ENOX1: variants seen among roughly 807,000 people sequenced by gnomAD.
ENOX1 encodes candidate growth-related and time keeping constitutive hydroquinone (NADH) oxidase.
ENOX1 carries 42 observed loss-of-function variants against 82.5 expected under a neutral mutation model. That is an observed-to-expected ratio of 0.51 (90% CI 0.40 to 0.66). ENOX1 has a LOEUF of 0.66. ENOX1 is among the 30% of genes least tolerant of loss of function. The pLI is 0.00. For synonymous variants in ENOX1, 271 were observed against 282.2 expected (o/e 0.96, Z 0.40); for missense variants, 608 against 811.6 (o/e 0.75, Z 3.05).
rs76663192 is a variant in ENOX1 at position 43,230,889 on chromosome 13, C to T, written c.1714+5747G>A. The stretch of plus-strand genomic sequence containing the variant: ...CATTCAGTTTGGTCAGCACATTATT[C>T]TCTTTGAGTGGAATGAGAAATGGAA... On this transcript the variant is annotated intron_variant, in intron 15 of 16. Coordinates refer to ENST00000690772, the MANE Select transcript of ENOX1 (RefSeq NM_001347969.2). Among the ~76,000 whole-genome samples the T allele has an allele frequency of 2.6e-3, 403 of 152,322 alleles. 3 individuals carry two copies. The highest frequency in any genetic ancestry group is 9.4e-3 in the African/African-American group (392 of 41,564).
chr13:43,237,580 G>A (rs2042609890), intron 14 of ENOX1, among the ~76,000 whole-genome samples: 1 of 152,210 alleles, frequency 6.6e-6, no homozygotes, highest in Non-Finnish European at 1.5e-5. Context: ...AGCAGTGGTG[G>A]GGAACCTGCA....
chr13:43,706,809 A>G (rs968783255), intron 1 of ENOX1, among the ~76,000 whole-genome samples: 1 of 152,092 alleles, frequency 6.6e-6, no homozygotes, highest in Non-Finnish European at 1.5e-5. Context: ...TGAAATATTG[A>G]ATGCTTTTCT....
chr13:43,686,218 G>C (rs76280170), intron 1 of ENOX1, among the ~76,000 whole-genome samples: 1 of 152,062 alleles, frequency 6.6e-6, no homozygotes, highest in Non-Finnish European at 1.5e-5. Flanking sequence ...GAGGTAGACT[G>C]GTAGTATTAA....
At chr13:43,286,714 T>G (rs774396421) in intron 12 of ENOX1, among the ~76,000 whole-genome samples, 2 of 152,200 alleles carry the variant, frequency 1.3e-5, no homozygotes, top group South Asian at 2.1e-4. Context: ...TAGTTAAATT[T>G]TATTAGGGCT....
chr13:43,441,790 A>G (rs946866931), intron 3 of ENOX1, among the ~76,000 whole-genome samples: 10 of 146,822 alleles, frequency 6.8e-5, no homozygotes, highest in African/African-American at 2.0e-4. Context: ...TCTCACAATG[A>G]AGTGGAGGTT....
intron 14 of ENOX1, among the ~76,000 whole-genome samples, chr13:43,237,648 A>C (rs2042614143): frequency 6.6e-6 from 1 of 152,230 alleles, no homozygotes; most frequent in Non-Finnish European, 1.5e-5. Context: ...GAAGGTTTGA[A>C]CAAATGTGTT....
At chr13:43,767,874 CCACT>C (rs1400240428) in intron 1 of ENOX1, among the ~76,000 whole-genome samples, 1 of 152,198 alleles carries the variant, frequency 6.6e-6, no homozygotes, top group African/African-American at 2.4e-5. Context: ...CTCACTAGGA[CCACT>C]CAATCTGTCA....
chr13:43,756,436 G>A (rs1022342052), intron 1 of ENOX1, among the ~76,000 whole-genome samples: 14 of 138,978 alleles, frequency 1.0e-4, no homozygotes, highest in Non-Finnish European at 2.2e-4. Flanking sequence ...CTGTCACAAG[G>A]AGAGAAGAGG....
At chr13:43,684,113 A>AAAAAAAAAAAAAAG (rs2085943692) in intron 1 of ENOX1, among the ~76,000 whole-genome samples, 3 of 151,212 alleles carry the variant, frequency 2.0e-5, no homozygotes, top group Non-Finnish European at 3.0e-5. Context: ...AAAAAAAAAA[A>AAAAAAAAAAAAAAG]TGTAACCTAC....
chr13:43,352,409 T>C (rs1732115681), intron 8 of ENOX1, among the ~76,000 whole-genome samples: 1 of 152,246 alleles, frequency 6.6e-6, no homozygotes, highest in Non-Finnish European at 1.5e-5. Context: ...CCTTCCTCAC[T>C]GTCTAATCAA....
At chr13:43,723,276 G>A (rs1471089016) in intron 1 of ENOX1, among the ~76,000 whole-genome samples, 1 of 152,136 alleles carries the variant, frequency 6.6e-6, no homozygotes, top group Non-Finnish European at 1.5e-5. Flanking sequence ...AGTATAGCAG[G>A]TGTGAAATTA....
intron 2 of ENOX1, among the ~76,000 whole-genome samples, chr13:43,561,083 C>A (rs758092572): frequency 6.6e-6 from 1 of 152,082 alleles, no homozygotes; most frequent in Non-Finnish European, 1.5e-5. Flanking sequence ...AAAAGGCAGA[C>A]CTAGCAAATT....
At chr13:43,641,597 G>A (rs1477477666) in intron 2 of ENOX1, among the ~76,000 whole-genome samples, 3 of 132,322 alleles carry the variant, frequency 2.3e-5, no homozygotes, top group Admixed American at 8.7e-5. Flanking sequence ...GTGCAGTGGC[G>A]CCATCTTGGC....
chr13:43,234,798 G>T (rs924850991), intron 15 of ENOX1, among the ~76,000 whole-genome samples: 2 of 151,972 alleles, frequency 1.3e-5, no homozygotes, highest in Non-Finnish European at 2.9e-5. Context: ...ATTTGAAGTA[G>T]CCAACTGAAA....
chr13:43,584,878 G>A (rs1265953738), intron 2 of ENOX1, among the ~76,000 whole-genome samples: 1 of 152,114 alleles, frequency 6.6e-6, no homozygotes, highest in African/African-American at 2.4e-5. Context: ...TCCATCCGCA[G>A]GCAAGAAGGA....
At chr13:43,599,155 C>T (rs1370787983) in intron 2 of ENOX1, among the ~76,000 whole-genome samples, 2 of 152,074 alleles carry the variant, frequency 1.3e-5, no homozygotes, top group Non-Finnish European at 2.9e-5. Flanking sequence ...ATGCTTCCTT[C>T]AGGAACACAA....
At chr13:43,767,299 T>C (rs117051070) in intron 1 of ENOX1, among the ~76,000 whole-genome samples, 4 of 152,252 alleles carry the variant, frequency 2.6e-5, no homozygotes, top group East Asian at 1.9e-4. Context: ...GATGTCCCCA[T>C]TGGGCACTGA....
intron 2 of ENOX1, among the ~76,000 whole-genome samples, chr13:43,595,862 G>A (rs551034614): frequency 4.6e-5 from 7 of 152,080 alleles, no homozygotes; most frequent in Non-Finnish European, 1.0e-4. Flanking sequence ...GCCTGAATTG[G>A]TACCCAAGTC....
At chr13:43,244,814 C>T (rs1258917692) in intron 14 of ENOX1, among the ~76,000 whole-genome samples, 1 of 152,182 alleles carries the variant, frequency 6.6e-6, no homozygotes, top group East Asian at 1.9e-4. Context: ...CGTTTTCCTT[C>T]CCTGCCTGCT....
Sources: gnomAD v4.1 joint callset for allele counts (sites outside exome capture counted in the v4.1 genomes callset) on GRCh38, gnomAD v4.1.1 for gene constraint, MANE v1.5 for transcripts, NCBI Gene and HGNC (gene_info 2026-07-23, HGNC 2026-07-21) for gene names.